WDPCP: variants seen among roughly 807,000 people sequenced by gnomAD.
WDPCP encodes WD repeat containing planar cell polarity effector.
In WDPCP, 71 loss-of-function variants were observed where a neutral mutation model predicts 93.1. The observed-to-expected ratio is 0.76, with a 90% CI of 0.63 to 0.93. The LOEUF is 0.93. Ranked by LOEUF, WDPCP falls within the 40% of genes least tolerant of loss-of-function variation. WDPCP has a pLI of 0.00. For missense variants in WDPCP, 844 were observed against 887.4 expected, an observed-to-expected ratio of 0.95 and a Z score of 0.62; for synonymous variants, 315 against 315.0, an observed-to-expected ratio of 1.00 and a Z score of 0.00.
chr2:63,358,997 CCTTA>C (rs1690235029), intron 12 of WDPCP, among the ~76,000 whole-genome samples: 1 of 152,124 alleles, frequency 6.6e-6, no homozygotes. Context: ...CCACTCTCTC[CCTTA>C]CTTATCCGCT....
chr2:63,678,254 C>T (rs1257796257), intron 2 of WDPCP, among the ~76,000 whole-genome samples: 2 of 152,248 alleles, frequency 1.3e-5, no homozygotes, highest in East Asian at 1.9e-4. Context: ...CAGTCTCATC[C>T]TAGGCAGGAA....
At chr2:63,701,771 T>C (rs1401746801) in intron 2 of WDPCP, among the ~76,000 whole-genome samples, 1 of 152,174 alleles carries the variant, frequency 6.6e-6, no homozygotes, top group Non-Finnish European at 1.5e-5. Flanking sequence ...TATCACATGT[T>C]CTCACTCATA....
At chr2:63,126,677 T>G (rs909961881) in intron 17 of WDPCP, among the ~76,000 whole-genome samples, 4 of 148,546 alleles carry the variant, frequency 2.7e-5, no homozygotes, top group Non-Finnish European at 6.0e-5. Flanking sequence ...TTTTTTTTTT[T>G]TTTTTTTTTT....
At chr2:63,512,790 T>G (rs1702318302) in intron 1 of WDPCP, among the ~76,000 whole-genome samples, 1 of 151,920 alleles carries the variant, frequency 6.6e-6, no homozygotes, top group South Asian at 2.1e-4. Flanking sequence ...ATACCTAATG[T>G]AGATGATGGG....
At chr2:63,462,345 T>A (rs561251874) in intron 6 of WDPCP, among the ~76,000 whole-genome samples, 26 of 152,142 alleles carry the variant, frequency 1.7e-4, no homozygotes, top group African/African-American at 6.0e-4. Context: ...CACCGGGGCC[T>A]GTCATGGGGT....
At chr2:63,476,026 CA>C (rs920526540) in intron 6 of WDPCP, among the ~76,000 whole-genome samples, 2 of 152,056 alleles carry the variant, frequency 1.3e-5, no homozygotes, top group Non-Finnish European at 2.9e-5. Flanking sequence ...GTAACAGAGT[CA>C]AAACTAAATT....
chr2:63,411,035 C>A (rs192703136), intron 9 of WDPCP, among the ~76,000 whole-genome samples: 1 of 152,098 alleles, frequency 6.6e-6, no homozygotes, highest in Non-Finnish European at 1.5e-5. Flanking sequence ...TACCTTGGAA[C>A]AAATGGACTT....
chr2:63,392,777 C>T (rs770080615), intron 10 of WDPCP, among the ~76,000 whole-genome samples: 2 of 152,170 alleles, frequency 1.3e-5, no homozygotes, highest in Non-Finnish European at 2.9e-5. Context: ...CCAATAGACA[C>T]ATGAAAAAAT....
chr2:63,589,272 A>C, upstream of WDPCP: 2 of 1,551,212 alleles, frequency 1.3e-6, no homozygotes, highest in South Asian at 2.4e-5. Flanking sequence ...ACTCTGGAGA[A>C]GTAGTTGTCC....
intron 11 of WDPCP, among the ~76,000 whole-genome samples, chr2:63,381,521 T>C (rs1436537936): frequency 2.6e-5 from 4 of 152,094 alleles, no homozygotes; most frequent in South Asian, 2.1e-4. Context: ...AAAATATTGA[T>C]ATCTAATGTG....
intron 10 of WDPCP, among the ~76,000 whole-genome samples, chr2:63,399,901 A>C (rs559933667): frequency 5.3e-5 from 8 of 152,178 alleles, no homozygotes; most frequent in Non-Finnish European, 1.2e-4. Flanking sequence ...TATATCTTTC[A>C]GGTAAATCAA....
At chr2:63,162,469 G>T (rs749421939) in intron 15 of WDPCP, among the ~76,000 whole-genome samples, 4 of 152,064 alleles carry the variant, frequency 2.6e-5, no homozygotes, top group Non-Finnish European at 5.9e-5. Flanking sequence ...AAATATGTTT[G>T]TATTGCTGTG....
At chr2:63,577,397 G>A (rs2028883) in intron 1 of WDPCP, among the ~76,000 whole-genome samples, 122,284 of 152,174 alleles carry the variant, frequency 0.8, 49,802 homozygotes, top group East Asian at 0.98. Flanking sequence ...ATTGTTTGGG[G>A]GAGTTTGCTG....
At chr2:63,759,310 G>A (rs529366013) in intron 2 of WDPCP, among the ~76,000 whole-genome samples, 23 of 152,158 alleles carry the variant, frequency 1.5e-4, no homozygotes, top group Non-Finnish European at 2.9e-5. Flanking sequence ...AACCTGTATC[G>A]GCCTCTGTAT....
chr2:63,483,150 G>T (rs1700367541), intron 6 of WDPCP, among the ~76,000 whole-genome samples: 1 of 151,906 alleles, frequency 6.6e-6, no homozygotes, highest in African/African-American at 2.4e-5. Flanking sequence ...TTTACCCTGT[G>T]TGATGGGTAA....
intron 14 of WDPCP, among the ~76,000 whole-genome samples, chr2:63,258,889 T>G (rs1347627273): frequency 6.6e-6 from 1 of 152,064 alleles, no homozygotes; most frequent in African/African-American, 2.4e-5. Flanking sequence ...CAATCACCCA[T>G]CAAACCCAAA....
rs1052504226 is a variant in WDPCP, at chr2:63,804,310, G to A, written n.308+9312C>T. On this transcript the variant is annotated intron_variant and non_coding_transcript_variant, in intron 2 of 4. Coordinates refer to the WDPCP transcript ENST00000467687. ...CTGTCGCCCAGGCTGGAGTGCAGTG[G>A]CACCATCTCGGCTTCACTGCAAGCT... Among the ~76,000 whole-genome samples, 5 of 151,320 alleles carry A rather than the reference G, an allele frequency of 3.3e-5. No homozygotes were observed. The East Asian group carries it at 9.7e-4, about 29-fold the overall frequency.
chr2:63,764,386 A>G (rs1670107419), intron 2 of WDPCP, among the ~76,000 whole-genome samples: 1 of 152,162 alleles, frequency 6.6e-6, no homozygotes, highest in African/African-American at 2.4e-5. Context: ...CTGATGCTGA[A>G]CATATGGGCA....
At chr2:63,535,345 A>G (rs1031493260) in intron 1 of WDPCP, among the ~76,000 whole-genome samples, 5 of 152,176 alleles carry the variant, frequency 3.3e-5, no homozygotes, top group African/African-American at 9.7e-5. Context: ...TTTCTTCACA[A>G]AATTGGAAAA....
Sources: allele counts gnomAD v4.1 joint callset (sites outside exome capture counted in the v4.1 genomes callset), GRCh38; gene constraint gnomAD v4.1.1; transcripts MANE v1.5; gene names NCBI Gene and HGNC (gene_info 2026-07-23, HGNC 2026-07-21).